Variants in SHOC1 observed in about 807,000 individuals in gnomAD.
SHOC1 encodes shortage in chiasmata 1.
Under a neutral mutation model 179.2 loss-of-function variants are expected in SHOC1, and 136 were observed. The ratio of observed to expected loss-of-function variants is 0.76; its 90% confidence interval spans 0.66 to 0.87. The LOEUF (loss-of-function observed/expected upper bound fraction) is 0.87, where lower values mean the gene tolerates loss of function less well. Among genes scored for constraint, SHOC1 ranks in the 40% least tolerant of loss-of-function variants. The pLI is 0.00. For missense variants in SHOC1, 1,538 were observed against 1,700.8 expected, an observed-to-expected ratio of 0.90 and a Z score of 1.68; for synonymous variants, 489 against 586.6, an observed-to-expected ratio of 0.83 and a Z score of 2.41.
At chr9:111,741,224 T>C (rs1392068462) in intron 11 of SHOC1, among the ~76,000 whole-genome samples, 2 of 152,154 alleles carry the variant, frequency 1.3e-5, no homozygotes, top group Non-Finnish European at 2.9e-5. Context: ...GTACTACTTG[T>C]ATTTCATTTC....
At chr9:111,785,165 A>T (rs867351315) in intron 3 of SHOC1, among the ~76,000 whole-genome samples, 2 of 151,964 alleles carry the variant, frequency 1.3e-5, no homozygotes, top group Admixed American at 6.6e-5. Flanking sequence ...CATATTTTTC[A>T]TGGTTGTTGC....
intron 12 of SHOC1, among the ~76,000 whole-genome samples, chr9:111,737,714 T>A (rs1305798748): frequency 1.4e-5 from 2 of 145,338 alleles, no homozygotes; most frequent in Admixed American, 6.9e-5. Context: ...ACAAAATATA[T>A]AATTCATGCT....
intron 24 of SHOC1, among the ~76,000 whole-genome samples, chr9:111,698,999 T>G (rs554730185): frequency 1.3e-5 from 2 of 150,986 alleles, no homozygotes; most frequent in East Asian, 3.9e-4. Flanking sequence ...GTTCCAGGAA[T>G]AAAAAAAAAG....
Position 111,722,588 on chromosome 9 carries a change from G to T in SHOC1, c.1955-3C>A. ...GCAAAATGCTTGGCACTGGCTATCTGCAAAAATAAAAGCATTAATGGCAGT... is the reference window on the plus strand; with the variant it reads ...GCAAAATGCTTGGCACTGGCTATCTTCAAAAATAAAAGCATTAATGGCAGT... On this transcript the variant is annotated splice_region_variant and splice_polypyrimidine_tract_variant and intron_variant, in intron 14 of 27. Coordinates refer to ENST00000682961, the MANE Select transcript of SHOC1 (RefSeq NM_001378211.1). 6.3e-7 allele frequency: 1 copy of T among 1,587,978 alleles called. No homozygotes were observed. Among genetic ancestry groups the T allele is most frequent in the Non-Finnish European group, 8.5e-7 (1 of 1,173,918 alleles).
intron 26 of SHOC1, 34 bp downstream of exon 26, chr9:111,693,765 A>G: frequency 7.5e-7 from 1 of 1,339,058 alleles, no homozygotes; most frequent in Non-Finnish European, 1.0e-6. Flanking sequence ...AAGGAAATAA[A>G]TTCATATCAT....
chr9:111,738,403 C>T lies in SHOC1; in HGVS notation c.1294G>A (p.Gly432Arg). ...GTTTCCATCATTTTCAGATTTAGTC[C>T]TGCTTGTTTCCACCACTCTGCCTTT... is the stretch of plus-strand genomic sequence containing the variant. ...LEKAEWWKQAGLNLKMMETLE... is the reference protein window; with the variant it reads ...LEKAEWWKQARLNLKMMETLE... Residue 432 changes from glycine to arginine, a missense_variant, in exon 12 of 28, where the codon GGA (glycine) becomes AGA (arginine). By Grantham distance (125) the Gly-to-Arg change is moderately radical. Coordinates refer to ENST00000682961, the MANE Select transcript of SHOC1 (RefSeq NM_001378211.1). 6.2e-7 allele frequency: 1 copy of T among 1,612,094 alleles called. No individual in the cohort carries two copies. Among genetic ancestry groups the T allele is most frequent in the Non-Finnish European group, 8.5e-7 (1 of 1,179,220 alleles).
intron 8 of SHOC1, among the ~76,000 whole-genome samples, chr9:111,755,525 T>C (rs1338630616): frequency 2.0e-5 from 3 of 152,178 alleles, no homozygotes; most frequent in Admixed American, 2.0e-4. Flanking sequence ...TATTTGGGCT[T>C]ATACTGTCAT....
At position 111,699,950 on chromosome 9, in the gene SHOC1, A is replaced by G. The variant is rs375897215; in HGVS notation, c.3183+4T>C. ...TTATGAAGAAACACATAGGAAAAGA[A>G]TACCTTTACATCCAGTTCTTCAGAG... On this transcript the variant is annotated splice_donor_region_variant and intron_variant, in intron 24 of 27. Coordinates refer to ENST00000682961, the MANE Select transcript of SHOC1 (RefSeq NM_001378211.1). The G allele has an allele frequency of 4.0e-5, 63 of 1,584,172 alleles. No individual in the cohort carries two copies. In the Middle Eastern group the frequency reaches 1.2e-3, roughly 29 times the overall value.
intron 4 of SHOC1, among the ~76,000 whole-genome samples, chr9:111,776,507 G>A (rs551989917): frequency 6.6e-6 from 1 of 152,130 alleles, no homozygotes; most frequent in Admixed American, 6.5e-5. Flanking sequence ...ATTCAATGTC[G>A]TTCCTCAATA....
At chr9:111,694,745 A>C (rs558826070) in intron 24 of SHOC1, among the ~76,000 whole-genome samples, 2 of 152,140 alleles carry the variant, frequency 1.3e-5, no homozygotes, top group Non-Finnish European at 2.9e-5. Context: ...CAATTAAAAT[A>C]AGAATTTTAA....
At chr9:111,705,482 TA>T in intron 20 of SHOC1, 118 bp from the exon 21 acceptor site, 1 of 443,220 alleles carries the variant, frequency 2.3e-6, no homozygotes, top group Non-Finnish European at 4.0e-6. Context: ...ATATTCAATG[TA>T]AAAAATCAGA....
intron 24 of SHOC1, among the ~76,000 whole-genome samples, chr9:111,695,637 A>C (rs1853224): frequency 0.58 from 87,568 of 151,986 alleles, 26,811 homozygotes; most frequent in East Asian, 0.8. Flanking sequence ...CTAAACAGAA[A>C]TAACATCAGA....
At position 111,692,350 on chromosome 9, in the gene SHOC1, A is replaced by T. The variant is rs1831483622; in HGVS notation, c.3627T>A (p.Tyr1209Ter). 1 of 1,611,994 alleles carries T rather than the reference A, an allele frequency of 6.2e-7. No individual in the cohort carries two copies. The highest frequency in any genetic ancestry group is 1.3e-5 in the African/African-American group (1 of 74,874). Reference sequence around the variant, plus strand: ...TCTCTCCTAATCCTAAATACTGATAATATTCATTATGTTCTTGAATGACAG... The same window carrying T: ...TCTCTCCTAATCCTAAATACTGATATTATTCATTATGTTCTTGAATGACAG... ...LDSVIQEHNE[Y>*]YQYLGLGETV... Residue 1209 changes from tyrosine (Y) to a stop codon, truncating the protein, a stop_gained, in exon 27 of 28, where the codon TAT becomes TAA. Transcript: ENST00000682961. LOFTEE classifies it high-confidence loss of function.
chr9:111,747,894 G>A (rs1225532864), intron 9 of SHOC1, among the ~76,000 whole-genome samples, 198 bp downstream of exon 9: 1 of 152,034 alleles, frequency 6.6e-6, no homozygotes, highest in African/African-American at 2.4e-5. Flanking sequence ...CTATTATTCA[G>A]TTTTGATGCC....
chr9:111,723,775 A>G lies in SHOC1; in HGVS notation c.1954+17T>C, dbSNP rs1833173548. The G allele has an allele frequency of 1.2e-6, 2 of 1,605,654 alleles. No homozygotes were observed. The highest frequency in any genetic ancestry group is 1.7e-6 in the Non-Finnish European group (2 of 1,178,210). ...ACTAAGCAAATCTGAAATGCATTTT[A>G]AAAGCATATAACATACCTGACGCTT... On this transcript the variant is annotated intron_variant, in intron 14 of 27. Transcript: ENST00000682961.
chr9:111,708,514 TAAA>T (rs981186941), intron 18 of SHOC1, among the ~76,000 whole-genome samples: 4 of 152,168 alleles, frequency 2.6e-5, no homozygotes, highest in African/African-American at 9.7e-5. Context: ...AACTTAATTT[TAAA>T]GTAAGCAAAT....
rs754504927 is a variant in SHOC1 at position 111,748,068 on chromosome 9, TCAATGATTTATCAAAA to T, written c.970+8_970+23del. 4 of 1,491,374 alleles carry T rather than the reference TCAATGATTTATCAAAA, an allele frequency of 2.7e-6. No individual in the cohort carries two copies. The highest frequency in any genetic ancestry group is 3.7e-6 in the Non-Finnish European group (4 of 1,068,776). The allele number at this position is 1,491,374 out of a possible 1,614,324, so 92.4% of individuals were successfully genotyped here. A position where few individuals can be genotyped will look rare whatever the true frequency, so the allele number is the denominator to read the frequency against. On this transcript the variant is annotated splice_region_variant and intron_variant, in intron 9 of 27. Transcript: ENST00000682961. ...CATAAATAGGTAATCCCCAATAAGC[TCAATGATTTATCAAAA>T]TTTCTACCTGGTTTACTGCACTCTT...
chr9:111,794,793 C>T (rs1056591913), intron 1 of SHOC1, 107 bp downstream of exon 1: 1 of 152,334 alleles, frequency 6.6e-6, no homozygotes, highest in African/African-American at 2.4e-5. Flanking sequence ...GATGCGTTTT[C>T]CAGAGATTCC....
At chr9:111,745,053 T>C (rs1430289977) in intron 10 of SHOC1, among the ~76,000 whole-genome samples, 1 of 152,202 alleles carries the variant, frequency 6.6e-6, no homozygotes, top group African/African-American at 2.4e-5. Flanking sequence ...GTTCTGTATG[T>C]CTGGTCCACC....
Sources: allele counts gnomAD v4.1 joint callset (sites outside exome capture counted in the v4.1 genomes callset), GRCh38; gene constraint gnomAD v4.1.1; transcripts MANE v1.5; gene names NCBI Gene and HGNC (gene_info 2026-07-23, HGNC 2026-07-21).